WWC2: variants seen among roughly 807,000 people sequenced by gnomAD.
WWC2 encodes the protein protein WWC2.
Under a neutral mutation model 138.5 loss-of-function variants are expected in WWC2, and 101 were observed. The ratio of observed to expected loss-of-function variants is 0.73; its 90% CI spans 0.62 to 0.86. The LOEUF (loss-of-function observed/expected upper bound fraction) is 0.86. WWC2 is among the 40% of genes least tolerant of loss of function. The probability of loss-of-function intolerance (pLI) is 0.00; values close to 1 mark genes in which losing one functional copy is unlikely to be tolerated. For missense variants in WWC2, 1,420 were observed against 1,419.4 expected, an observed-to-expected ratio of 1.00 and a Z score of -0.01; for synonymous variants, 558 against 538.4, an observed-to-expected ratio of 1.04 and a Z score of -0.50.
intron 4 of WWC2, among the ~76,000 whole-genome samples, chr4:183,215,451 A>G (rs952358983): frequency 1.3e-5 from 2 of 152,186 alleles, no homozygotes; most frequent in African/African-American, 4.8e-5. Flanking sequence ...TTCGCAAGAA[A>G]AAAAAAAGCA....
chr4:183,296,178 A>G (rs1000465699), intron 21 of WWC2, among the ~76,000 whole-genome samples: 5 of 152,256 alleles, frequency 3.3e-5, no homozygotes, highest in African/African-American at 1.2e-4. Context: ...AAATGTCACC[A>G]CAACCCAACA....
rs1739422639 is a variant in WWC2 at position 183,315,931 on chromosome 4, G to GA, written c.*208dup. 1 of 483,938 alleles carries GA rather than the reference G, an allele frequency of 2.1e-6. No homozygotes were observed. The highest frequency in any genetic ancestry group is 2.5e-5 in the South Asian group (1 of 39,680). 30.0% of individuals were successfully genotyped at this position (483,938 alleles called of 1,614,324 possible). On this transcript the variant is annotated 3_prime_UTR_variant, in exon 23 of 23. Coordinates refer to ENST00000403733, the MANE Select transcript of WWC2 (RefSeq NM_024949.6). ...GTGTAATTTTTATATGCTTAAAAAA[G>GA]AAAAAATCATATAAGAAAGATGGGA...
chr4:183,209,165 A>G, intron 4 of WWC2, 140 bp downstream of exon 4: 1 of 600,504 alleles, frequency 1.7e-6, no homozygotes, highest in East Asian at 2.8e-5. Context: ...TGGTCCTTCT[A>G]CCTTGATGTG....
chr4:183,276,353 T>G (rs1239907994), intron 16 of WWC2, among the ~76,000 whole-genome samples: 2 of 152,104 alleles, frequency 1.3e-5, no homozygotes, highest in Non-Finnish European at 2.9e-5. Flanking sequence ...TCCTATTATC[T>G]TCCTATTTGT....
intron 16 of WWC2, among the ~76,000 whole-genome samples, chr4:183,278,045 C>T (rs971889780): frequency 2.0e-5 from 3 of 151,988 alleles, no homozygotes; most frequent in Non-Finnish European, 4.4e-5. Flanking sequence ...GACATGGAGT[C>T]CTTGCCCATG....
chr4:183,101,758 AG>A lies in WWC2; in HGVS notation c.131+2138del, dbSNP rs1229832002. ...AAAGAGAGATGTTACACAGGCCAAT[AG>A]GAGTGTGTGGATTCTTCTGCAGGAT... On this transcript the variant is annotated intron_variant, in intron 1 of 22. Transcript: ENST00000403733. Among the ~76,000 whole-genome samples the A allele has an allele frequency of 1.2e-4, 18 of 152,208 alleles. No individual in the cohort carries two copies. The South Asian group carries it at 1.2e-3, about 10-fold the overall frequency.
intron 1 of WWC2, among the ~76,000 whole-genome samples, chr4:183,123,326 T>G (rs1732661815): frequency 6.6e-6 from 1 of 152,068 alleles, no homozygotes; most frequent in East Asian, 1.9e-4. Context: ...TTAAAATAAA[T>G]GAACTTGAAT....
At chr4:183,251,869 G>C (rs771201205) in intron 8 of WWC2, among the ~76,000 whole-genome samples, 1 of 152,180 alleles carries the variant, frequency 6.6e-6, no homozygotes, top group Non-Finnish European at 1.5e-5. Context: ...TCTGAAATCT[G>C]TTTTCTCCTC....
At chr4:183,298,739 T>A (rs1738722333) in intron 21 of WWC2, among the ~76,000 whole-genome samples, 1 of 152,228 alleles carries the variant, frequency 6.6e-6, no homozygotes, top group Non-Finnish European at 1.5e-5. Flanking sequence ...GAATCCCTTC[T>A]AGTTACAGAA....
At chr4:183,115,522 C>G (rs1732382224) in intron 1 of WWC2, among the ~76,000 whole-genome samples, 1 of 152,184 alleles carries the variant, frequency 6.6e-6, no homozygotes. Flanking sequence ...CCTCTGTAAC[C>G]TGGACAGCAT....
intron 1 of WWC2, among the ~76,000 whole-genome samples, chr4:183,150,253 A>G (rs1477273721): frequency 3.3e-5 from 5 of 152,174 alleles, no homozygotes; most frequent in African/African-American, 1.2e-4. Context: ...ATTTTGCTAT[A>G]TGAAACTACT....
intron 1 of WWC2, among the ~76,000 whole-genome samples, chr4:183,108,582 G>GAA (rs1286836401): frequency 6.6e-6 from 1 of 152,048 alleles, no homozygotes; most frequent in East Asian, 1.9e-4. Flanking sequence ...GAAAACTAAG[G>GAA]AAATCTGAAT....
intron 4 of WWC2, among the ~76,000 whole-genome samples, chr4:183,224,869 T>C (rs1736028548): frequency 6.7e-6 from 1 of 150,148 alleles, no homozygotes; most frequent in Non-Finnish European, 1.5e-5. Flanking sequence ...CCTATTTGTT[T>C]AGGTTTTAAA....
In WWC2 at chr4:183,117,948, G is replaced by A. The variant is rs922600359; in HGVS notation, c.131+18326G>A. Among the ~76,000 whole-genome samples, 47 of 151,000 alleles carry A rather than the reference G, an allele frequency of 3.1e-4. 1 individual carries two copies. The highest frequency in any genetic ancestry group is 5.8e-4 in the Non-Finnish European group (39 of 67,742). The stretch of plus-strand genomic sequence containing the variant: ...CCCAAGTAGCTGGGACTATAGGCTC[G>A]TGCCACCATGCTCGGCTAATTTTTG... On this transcript the variant is annotated intron_variant, in intron 1 of 22. Coordinates refer to ENST00000403733, the MANE Select transcript of WWC2 (RefSeq NM_024949.6).
intron 17 of WWC2, chr4:183,281,119 T>G: frequency 1.8e-6 from 1 of 561,364 alleles, no homozygotes; most frequent in Non-Finnish European, 2.8e-6. Flanking sequence ...TCTTTGTTCT[T>G]GTTTCGAGTA....
At chr4:183,272,584 G>A (rs1737726145) in intron 16 of WWC2, among the ~76,000 whole-genome samples, 1 of 152,134 alleles carries the variant, frequency 6.6e-6, no homozygotes, top group Admixed American at 6.6e-5. Context: ...GTGTGCACGA[G>A]CAGAGACTCC....
At chr4:183,248,499 G>A (rs1017896457) in intron 6 of WWC2, among the ~76,000 whole-genome samples, 1 of 152,118 alleles carries the variant, frequency 6.6e-6, no homozygotes, top group Non-Finnish European at 1.5e-5. Context: ...TAAGACAACT[G>A]GTTTAATATG....
chr4:183,144,781 G>A (rs895947483), intron 1 of WWC2, among the ~76,000 whole-genome samples: 25 of 152,100 alleles, frequency 1.6e-4, no homozygotes, highest in Non-Finnish European at 2.4e-4. Flanking sequence ...TATACAGAAC[G>A]CTGTTCATTC....
chr4:183,254,755 GGCCAGCCAGTAAACA>G (rs1737085436), intron 9 of WWC2, among the ~76,000 whole-genome samples: 1 of 152,128 alleles, frequency 6.6e-6, no homozygotes. Flanking sequence ...ACATCCTTTA[GGCCAGCCAGTAAACA>G]GCAGTGCCTG....
Sources: allele counts gnomAD v4.1 joint callset (sites outside exome capture counted in the v4.1 genomes callset), GRCh38; gene constraint gnomAD v4.1.1; transcripts MANE v1.5; gene names NCBI Gene and HGNC (gene_info 2026-07-23, HGNC 2026-07-21).